SPEF2: variants seen among roughly 807,000 people sequenced by gnomAD.
SPEF2 encodes sperm flagellar and cilia associated 2.
In SPEF2, 187 loss-of-function variants were observed where a neutral mutation model predicts 224.6. The observed-to-expected ratio is 0.83, with a 90% CI of 0.74 to 0.94. The LOEUF (loss-of-function observed/expected upper bound fraction) is 0.94, where lower values mean the gene tolerates loss of function less well. SPEF2 is among the 40% of genes least tolerant of loss of function. SPEF2 has a pLI of 0.00. For synonymous variants in SPEF2, 715 were observed against 707.3 expected (o/e 1.01, Z -0.17); for missense variants, 2,170 against 2,135.6 (o/e 1.02, Z -0.32).
At chr5:35,788,209 G>A in intron 30 of SPEF2, 1 of 702,964 alleles carries the variant, frequency 1.4e-6, no homozygotes, top group East Asian at 2.7e-5. Flanking sequence ...AACTAATGAT[G>A]AGGACCATGA....
chr5:35,771,536 A>C (rs890976562), intron 26 of SPEF2, 73 bp from the exon 27 acceptor site: 1 of 1,533,656 alleles, frequency 6.5e-7, no homozygotes, highest in Non-Finnish European at 8.7e-7. Flanking sequence ...AGAATTTAGT[A>C]ATGACTACAT....
At chr5:35,754,343 A>G (rs1321671318) in intron 24 of SPEF2, among the ~76,000 whole-genome samples, 1 of 152,214 alleles carries the variant, frequency 6.6e-6, no homozygotes, top group Non-Finnish European at 1.5e-5. Flanking sequence ...GCACAAACCC[A>G]GCTCCGCCAA....
At chr5:35,714,404 C>T (rs1198786970) in intron 20 of SPEF2, among the ~76,000 whole-genome samples, 2 of 151,320 alleles carry the variant, frequency 1.3e-5, no homozygotes, top group East Asian at 1.9e-4. Flanking sequence ...CTTTTAAAAG[C>T]CTATTTATGA....
At chr5:35,760,806 C>A (rs972302866) in intron 25 of SPEF2, among the ~76,000 whole-genome samples, 1 of 151,698 alleles carries the variant, frequency 6.6e-6, no homozygotes, top group Non-Finnish European at 1.5e-5. Flanking sequence ...GGCATGGTTT[C>A]CAACTATAAA....
At chr5:35,806,041 A>G (rs1054907649) in intron 34 of SPEF2, among the ~76,000 whole-genome samples, 3 of 152,200 alleles carry the variant, frequency 2.0e-5, no homozygotes, top group Non-Finnish European at 2.9e-5. Context: ...CTTCAGGATC[A>G]ATTCCTAGTT....
intron 10 of SPEF2, among the ~76,000 whole-genome samples, chr5:35,672,212 A>G (rs1369495447): frequency 6.7e-6 from 1 of 149,276 alleles, no homozygotes; most frequent in Admixed American, 6.7e-5. Context: ...TCAGAAATTA[A>G]TACATTTGCT....
chr5:35,643,901 A>G (rs1283231349), intron 3 of SPEF2, among the ~76,000 whole-genome samples: 1 of 152,182 alleles, frequency 6.6e-6, no homozygotes, highest in Non-Finnish European at 1.5e-5. Context: ...AGCAGCTAGT[A>G]AGTGGTAAAG....
intron 10 of SPEF2, among the ~76,000 whole-genome samples, chr5:35,687,445 A>G (rs553267743): frequency 6.0e-5 from 9 of 149,214 alleles, no homozygotes; most frequent in Admixed American, 6.0e-4. Context: ...TTTGCCCATT[A>G]TATTTCTTCT....
At chr5:35,706,238 T>C (rs1739740588) in intron 18 of SPEF2, among the ~76,000 whole-genome samples, 1 of 151,910 alleles carries the variant, frequency 6.6e-6, no homozygotes, top group African/African-American at 2.4e-5. Flanking sequence ...AGAAACCATG[T>C]GAATTCTTTT....
chr5:35,744,816 G>A (rs1748220167), intron 23 of SPEF2, among the ~76,000 whole-genome samples: 1 of 152,162 alleles, frequency 6.6e-6, no homozygotes. Context: ...GGACTAGATT[G>A]CAGCTCTGGA....
At chr5:35,621,707 C>T (rs1743538403) in intron 1 of SPEF2, among the ~76,000 whole-genome samples, 2 of 152,176 alleles carry the variant, frequency 1.3e-5, no homozygotes, top group African/African-American at 2.4e-5. Context: ...CCCATAGTTG[C>T]TTGTTGGGAC....
rs180712207 is a variant in SPEF2 at position 35,796,407 on chromosome 5, C to A, written c.4830+612C>A. Reference sequence around the variant, plus strand: ...CTGATCACAAGGTCAGTCAGGAGATCGAGACCATCCTGGCTAACACGGTGA... The same window carrying A: ...CTGATCACAAGGTCAGTCAGGAGATAGAGACCATCCTGGCTAACACGGTGA... On this transcript the variant is annotated intron_variant, in intron 33 of 36. Transcript: ENST00000356031. 3.3e-5 allele frequency among the ~76,000 whole-genome samples: 5 copies of A among 152,026 alleles called. No individual in the cohort carries two copies. In the East Asian group the frequency reaches 7.8e-4, roughly 24 times the overall value.
chr5:35,709,388 GA>G, intron 19 of SPEF2: 7 of 1,212,596 alleles, frequency 5.8e-6, no homozygotes, highest in South Asian at 2.4e-5. Flanking sequence ...ACGAGAAGAG[GA>G]AAAGGCACAG....
chr5:35,796,605 G>T (rs1756701201), intron 33 of SPEF2, among the ~76,000 whole-genome samples: 1 of 29,076 alleles, frequency 3.4e-5, no homozygotes, highest in Admixed American at 5.0e-4. Context: ...GAGCGAGACT[G>T]TCTCAAAAAA....
At chr5:35,739,750 G>C (rs1441420363) in intron 21 of SPEF2, among the ~76,000 whole-genome samples, 169 bp from the exon 22 acceptor site, 1 of 152,158 alleles carries the variant, frequency 6.6e-6, no homozygotes, top group Non-Finnish European at 1.5e-5. Context: ...ATATGAATTT[G>C]CTGGAGTGGG....
At chr5:35,726,157 T>A (rs1158268064) in intron 20 of SPEF2, among the ~76,000 whole-genome samples, 1 of 152,208 alleles carries the variant, frequency 6.6e-6, no homozygotes, top group Non-Finnish European at 1.5e-5. Flanking sequence ...ATTTTCATTG[T>A]TAAAAGTTAC....
intron 21 of SPEF2, among the ~76,000 whole-genome samples, chr5:35,736,557 A>T (rs971587565): frequency 1.3e-5 from 2 of 152,128 alleles, no homozygotes; most frequent in Non-Finnish European, 2.9e-5. Flanking sequence ...CTAACTCACT[A>T]TCATGAGCAC....
At chr5:35,749,413 G>C (rs1749064708) in intron 23 of SPEF2, among the ~76,000 whole-genome samples, 1 of 152,042 alleles carries the variant, frequency 6.6e-6, no homozygotes, top group Non-Finnish European at 1.5e-5. Flanking sequence ...AAGTCAAACT[G>C]TTCCTGTTTG....
At chr5:35,723,307 T>C (rs1448377863) in intron 20 of SPEF2, among the ~76,000 whole-genome samples, 1 of 152,222 alleles carries the variant, frequency 6.6e-6, no homozygotes, top group Non-Finnish European at 1.5e-5. Flanking sequence ...AGTATGGTTT[T>C]GGGACCAGCA....
Sources: gnomAD v4.1 joint callset for allele counts (sites outside exome capture counted in the v4.1 genomes callset) on GRCh38, gnomAD v4.1.1 for gene constraint, MANE v1.5 for transcripts, NCBI Gene and HGNC (gene_info 2026-07-23, HGNC 2026-07-21) for gene names.